Variants in SORL1-AS1 observed in about 807,000 individuals in gnomAD.
The protein encoded by SORL1-AS1 is lncRNA 51 A.
downstream of SORL1-AS1, among the ~76,000 whole-genome samples, chr11:121,443,545 A>G (rs1418456196): frequency 2.0e-5 from 3 of 152,332 alleles, no homozygotes; most frequent in African/African-American, 7.2e-5. Flanking sequence ...AAATACTTCA[A>G]TATAAACAGA....
exon 2 of SORL1-AS1, chr11:121,447,527 G>A (rs889272832): frequency 6.6e-6 from 1 of 151,932 alleles, no homozygotes; most frequent in Non-Finnish European, 1.5e-5. Flanking sequence ...TGCCCAGGCT[G>A]GTCTTGAACT....
chr11:121,439,735 A>G, the SORL1-AS1 span, among the ~76,000 whole-genome samples: 1 of 152,218 alleles, frequency 6.6e-6, no homozygotes, highest in Non-Finnish European at 1.5e-5. Context: ...GTATTAATGT[A>G]AATGTTTAAA....
At chr11:121,445,671 C>T (rs1348197995), downstream of SORL1-AS1, among the ~76,000 whole-genome samples, 1 of 151,886 alleles carries the variant, frequency 6.6e-6, no homozygotes, top group Non-Finnish European at 1.5e-5. Flanking sequence ...TTGTCCCGTT[C>T]CAACTTCCAC....
chr11:121,439,094 T>C, the SORL1-AS1 span, among the ~76,000 whole-genome samples: 1 of 152,180 alleles, frequency 6.6e-6, no homozygotes, highest in African/African-American at 2.4e-5. Context: ...AGACATATAG[T>C]TTCATTTCTT....
chr11:121,442,176 A>C, the SORL1-AS1 span, among the ~76,000 whole-genome samples: 1 of 152,244 alleles, frequency 6.6e-6, no homozygotes, highest in Non-Finnish European at 1.5e-5. Context: ...GCAACAAGGC[A>C]TAGGAAGTCT....
rs569037669 is a variant in SORL1-AS1 at position 121,452,707 on chromosome 11, G to A, written n.307C>T. The A allele has an allele frequency of 9.1e-6, 11 of 1,206,676 alleles. 1 individual carries two copies. The Middle Eastern group carries it at 8.6e-4, about 95-fold the overall frequency. The allele number at this position is 1,206,676 out of a possible 1,614,324, so 74.7% of individuals were successfully genotyped here. A position where few individuals can be genotyped will look rare whatever the true frequency, so the allele number is the denominator to read the frequency against. ...TCCATCCGTTGCAGTCGCCTCCTAG[G>A]TGCAGGCACCACTGGGGACTTCCCG... On this transcript the variant is annotated non_coding_transcript_exon_variant, in exon 1 of 2. Transcript: ENST00000501964. This position sits in a 1 kb window ranked among gnomAD's most constrained non-coding sequence, Gnocchi z 5.3.
chr11:121,443,003 A>G (rs530431736), downstream of SORL1-AS1, among the ~76,000 whole-genome samples: 2 of 152,048 alleles, frequency 1.3e-5, no homozygotes, highest in South Asian at 2.1e-4. Context: ...AAAAGAAAAA[A>G]AAAAAAAAGA....
At chr11:121,448,611 A>G (rs914763752) in exon 2 of SORL1-AS1, 1 of 152,166 alleles carries the variant, frequency 6.6e-6, no homozygotes, top group Non-Finnish European at 1.5e-5. Flanking sequence ...ATTCAACTAC[A>G]TTGGCCCCTT....
the SORL1-AS1 span, among the ~76,000 whole-genome samples, chr11:121,440,147 T>A: frequency 6.6e-6 from 1 of 152,092 alleles, no homozygotes; most frequent in African/African-American, 2.4e-5. Context: ...CCAAGGCAGG[T>A]AGATCACTTG....
At chr11:121,445,836 T>G (rs1860715590), downstream of SORL1-AS1, among the ~76,000 whole-genome samples, 1 of 152,162 alleles carries the variant, frequency 6.6e-6, no homozygotes. Flanking sequence ...TTTCTTCTCT[T>G]TCTCAAGTTC....
the SORL1-AS1 span, among the ~76,000 whole-genome samples, chr11:121,440,837 A>G: frequency 2.6e-5 from 4 of 152,206 alleles, no homozygotes; most frequent in East Asian, 1.9e-4. Flanking sequence ...ATGAAAGTAG[A>G]CAGTCTTCCC....
At chr11:121,445,594 T>C (rs1281114259), downstream of SORL1-AS1, among the ~76,000 whole-genome samples, 1 of 152,000 alleles carries the variant, frequency 6.6e-6, no homozygotes, top group Non-Finnish European at 1.5e-5. Flanking sequence ...CCTTTCCTCC[T>C]TCTCCTCAGA....
the SORL1-AS1 span, among the ~76,000 whole-genome samples, chr11:121,441,417 G>C: frequency 1.3e-5 from 2 of 150,828 alleles, no homozygotes; most frequent in African/African-American, 4.9e-5. Context: ...TGCAGTCCCA[G>C]CTACTCGGGA....
chr11:121,441,367 C>CAA, the SORL1-AS1 span, among the ~76,000 whole-genome samples: 835 of 132,822 alleles, frequency 6.3e-3, 10 homozygotes, highest in African/African-American at 0.021. Flanking sequence ...ACTAAAAATA[C>CAA]AAAAAAAAAA....
At position 121,452,506 on chromosome 11, in the gene SORL1-AS1, C is replaced by T. The variant is rs1173349156; in HGVS notation, n.339+169G>A. 2 of 1,476,848 alleles carry T rather than the reference C, an allele frequency of 1.4e-6. No individual in the cohort carries two copies. The highest frequency in any genetic ancestry group is 4.9e-5 in the Admixed American group (2 of 41,084). 91.5% of individuals were successfully genotyped at this position (1,476,848 alleles called of 1,614,324 possible). On this transcript the variant is annotated intron_variant and non_coding_transcript_variant, in intron 1 of 1. Coordinates refer to ENST00000501964, the Ensembl canonical transcript of SORL1-AS1. The surrounding 1 kb of genome is among the most constrained non-coding windows in gnomAD (Gnocchi z 5.3). ...GGTGCAGGGCGACCCGCGCGAGCTG[C>T]GGCTGTGGGCGCGCGGGGATGCCAG...
At chr11:121,445,715 A>G (rs1473146321), downstream of SORL1-AS1, among the ~76,000 whole-genome samples, 2 of 151,892 alleles carry the variant, frequency 1.3e-5, no homozygotes, top group East Asian at 3.9e-4. Flanking sequence ...ATAACGTCTT[A>G]TTCTCCAGAG....
chr11:121,440,774 C>T, the SORL1-AS1 span, among the ~76,000 whole-genome samples: 1 of 152,212 alleles, frequency 6.6e-6, no homozygotes, highest in Non-Finnish European at 1.5e-5. Flanking sequence ...AGATTATACC[C>T]TTTTGTCCAG....
chr11:121,448,461 G>A (rs1017540185), exon 2 of SORL1-AS1: 1 of 152,160 alleles, frequency 6.6e-6, no homozygotes, highest in Non-Finnish European at 1.5e-5. Flanking sequence ...ACATGGAAGA[G>A]GGAACAATGT....
chr11:121,439,591 T>C, the SORL1-AS1 span, among the ~76,000 whole-genome samples: 1 of 152,008 alleles, frequency 6.6e-6, no homozygotes, highest in Non-Finnish European at 1.5e-5. Context: ...CTTCAGCAGC[T>C]TTGTCGGTAA....
Sources: allele counts gnomAD v4.1 joint callset (sites outside exome capture counted in the v4.1 genomes callset), GRCh38; gene constraint gnomAD v4.1.1; non-coding constraint Gnocchi (gnomAD v3.1); transcripts MANE v1.5; gene names NCBI Gene and HGNC (gene_info 2026-07-23, HGNC 2026-07-21).